WDR27: variants seen among roughly 807,000 people sequenced by gnomAD.
WDR27 encodes WD repeat domain 27, also known as WD repeat-containing protein 27.
WDR27 carries 100 observed loss-of-function variants against 114.4 expected under a neutral mutation model. The observed-to-expected ratio is 0.87, with a 90% confidence interval of 0.74 to 1.03. The LOEUF (loss-of-function observed/expected upper bound fraction) is 1.03. Ranked by LOEUF, WDR27 falls within the 50% of genes least tolerant of loss-of-function variation. The probability of loss-of-function intolerance (pLI) is 0.00; values close to 1 mark genes in which losing one functional copy is unlikely to be tolerated. For synonymous variants in WDR27, 449 were observed against 423.1 expected (o/e 1.06, Z -0.75); for missense variants, 1,129 against 1,092.9 (o/e 1.03, Z -0.47).
intron 21 of WDR27, among the ~76,000 whole-genome samples, chr6:169,628,812 C>A (rs1815557629): frequency 6.6e-6 from 1 of 152,242 alleles, no homozygotes; most frequent in Non-Finnish European, 1.5e-5. Flanking sequence ...TGATCTGCTG[C>A]TGCAGGTGGA....
rs779282401 is a variant in WDR27, at chr6:169,670,616, C to T, written c.409G>A (p.Val137Ile). 1 of 1,613,896 alleles carries T rather than the reference C, an allele frequency of 6.2e-7. No homozygotes were observed. Among genetic ancestry groups the T allele is most frequent in the Non-Finnish European group, 8.5e-7 (1 of 1,179,910 alleles). Residue 137 changes from valine (V) to isoleucine (I), a missense_variant, in exon 4 of 26, where the codon GTT becomes ATT. By Grantham distance (29) the Val-to-Ile change is conservative (BLOSUM62 3). Transcript: ENST00000448612. ...TTGTTTCCAGCACACACGGCAACAA[C>T]ATGATCATCCAGGCTCAACTGTAAA... is the stretch of plus-strand genomic sequence containing the variant. The part of the protein sequence containing the change: ...LCLQLSLDDH[V>I]VAVCAGNKIF...
At chr6:169,556,432 G>GGT (rs1432611392) in intron 25 of WDR27, among the ~76,000 whole-genome samples, 4 of 152,096 alleles carry the variant, frequency 2.6e-5, no homozygotes, top group Non-Finnish European at 5.9e-5. Flanking sequence ...AGATAAAGAG[G>GGT]GTGTGGTTTC....
the WDR27 span, among the ~76,000 whole-genome samples, chr6:169,434,180 G>C: frequency 8.5e-5 from 13 of 152,126 alleles, no homozygotes; most frequent in Non-Finnish European, 1.5e-4. Context: ...TGTCCTCGAT[G>C]GTATTGCCTA....
intron 25 of WDR27, among the ~76,000 whole-genome samples, chr6:169,463,243 G>C (rs1785133411): frequency 1.3e-5 from 2 of 152,170 alleles, no homozygotes; most frequent in Admixed American, 6.5e-5. Flanking sequence ...AGGGCAGAGG[G>C]GGGTGTCAAA....
the WDR27 span, among the ~76,000 whole-genome samples, chr6:169,443,878 A>G: frequency 1.3e-5 from 2 of 152,310 alleles, no homozygotes; most frequent in East Asian, 3.9e-4. Context: ...AGAGTCATTC[A>G]GGCCTGGGTT....
At chr6:169,662,091 C>T (rs1826297953) in intron 9 of WDR27, among the ~76,000 whole-genome samples, 1 of 152,178 alleles carries the variant, frequency 6.6e-6, no homozygotes, top group African/African-American at 2.4e-5. Flanking sequence ...AAAAATCATC[C>T]AATTCCTTTT....
intron 25 of WDR27, among the ~76,000 whole-genome samples, chr6:169,502,224 G>A (rs917671161): frequency 8.5e-5 from 13 of 152,286 alleles, no homozygotes; most frequent in African/African-American, 2.2e-4. Context: ...CGGGACGACC[G>A]CGGCCTCTGA....
intron 25 of WDR27, among the ~76,000 whole-genome samples, chr6:169,469,808 T>C (rs1166608122): frequency 6.6e-6 from 1 of 152,248 alleles, no homozygotes; most frequent in Non-Finnish European, 1.5e-5. Context: ...TCCACTGGTA[T>C]AATCCCATCT....
chr6:169,495,895 A>T (rs1259001138), intron 25 of WDR27, among the ~76,000 whole-genome samples: 1 of 152,124 alleles, frequency 6.6e-6, no homozygotes, highest in Non-Finnish European at 1.5e-5. Flanking sequence ...CTGGGGGAAA[A>T]AAAAACACTT....
chr6:169,656,277 G>A (rs1824165433), intron 13 of WDR27, among the ~76,000 whole-genome samples: 1 of 152,162 alleles, frequency 6.6e-6, no homozygotes, highest in South Asian at 2.1e-4. Context: ...AAGGGTGGGG[G>A]CCAATCAGAG....
intron 25 of WDR27, among the ~76,000 whole-genome samples, chr6:169,542,642 T>C (rs746960332): frequency 6.6e-6 from 1 of 152,138 alleles, no homozygotes; most frequent in Non-Finnish European, 1.5e-5. Flanking sequence ...TGTATTAATG[T>C]TACATTTCCT....
At chr6:169,534,165 G>C (rs531328238) in intron 25 of WDR27, among the ~76,000 whole-genome samples, 1 of 152,292 alleles carries the variant, frequency 6.6e-6, no homozygotes, top group East Asian at 1.9e-4. Flanking sequence ...GTGTGGTTTT[G>C]TTTTGCTGAT....
the WDR27 span, among the ~76,000 whole-genome samples, chr6:169,446,315 G>A: frequency 2.0e-5 from 3 of 152,326 alleles, no homozygotes; most frequent in African/African-American, 4.8e-5. Flanking sequence ...AGCCAGTCCT[G>A]AGTTAAAGGA....
At chr6:169,484,848 A>T (rs1027021337) in intron 25 of WDR27, among the ~76,000 whole-genome samples, 1 of 152,120 alleles carries the variant, frequency 6.6e-6, no homozygotes, top group African/African-American at 2.4e-5. Flanking sequence ...CAGAATGGAG[A>T]GGCCAGAAAT....
intron 21 of WDR27, 143 bp from the exon 22 acceptor site, chr6:169,613,799 G>A: frequency 1.4e-6 from 1 of 717,326 alleles, no homozygotes; most frequent in Non-Finnish European, 2.2e-6. Context: ...TTCAGAATTG[G>A]ACTCCAAAAA....
At chr6:169,656,160 G>C (rs1824130616) in intron 13 of WDR27, among the ~76,000 whole-genome samples, 1 of 151,796 alleles carries the variant, frequency 6.6e-6, no homozygotes, top group Non-Finnish European at 1.5e-5. Flanking sequence ...CATGTTGATT[G>C]GTTTGTGACT....
intron 25 of WDR27, among the ~76,000 whole-genome samples, chr6:169,472,071 A>G (rs116017679): frequency 0.012 from 1,828 of 152,298 alleles, 38 homozygotes; most frequent in African/African-American, 0.041. Flanking sequence ...GGACACCATC[A>G]TTCAGCCCAT....
intron 21 of WDR27, among the ~76,000 whole-genome samples, chr6:169,614,585 G>A (rs1811352700): frequency 6.6e-6 from 1 of 151,938 alleles, no homozygotes; most frequent in Admixed American, 6.5e-5. Flanking sequence ...CTACTGGGGA[G>A]ACTGAGGCAG....
At chr6:169,517,784 C>A (rs546696894) in intron 25 of WDR27, among the ~76,000 whole-genome samples, 72 of 152,256 alleles carry the variant, frequency 4.7e-4, no homozygotes, top group African/African-American at 1.7e-3. Context: ...GACCTCATTG[C>A]CTTTTAGACA....
Sources: allele counts gnomAD v4.1 joint callset (sites outside exome capture counted in the v4.1 genomes callset), GRCh38; gene constraint gnomAD v4.1.1; transcripts MANE v1.5; gene names NCBI Gene and HGNC (gene_info 2026-07-23, HGNC 2026-07-21).